The following PNKD variants were observed in gnomAD, a reference collection of about 807,000 sequenced individuals.
The protein encoded by PNKD is PNKD metallo-beta-lactamase domain containing, also known as probable thioesterase PNKD.
Under a neutral mutation model 45.3 loss-of-function variants are expected in PNKD, and 36 were observed. The ratio of observed to expected loss-of-function variants is 0.80; its 90% CI spans 0.61 to 1.05. PNKD has a LOEUF of 1.05. Among genes scored for constraint, PNKD ranks in the 50% least tolerant of loss-of-function variants. The pLI is 0.00. For synonymous variants in PNKD, 197 were observed against 210.1 expected (o/e 0.94, Z 0.54); for missense variants, 511 against 506.6 (o/e 1.01, Z -0.08).
At chr2:218,292,672 C>G (rs1693020401) in intron 2 of PNKD, 1 of 152,146 alleles carries the variant, frequency 6.6e-6, no homozygotes. Flanking sequence ...ACTAATAACA[C>G]AGGGGTATTT....
Position 218,344,569 on chromosome 2 carries a change from C to T in PNKD, c.983C>T (p.Thr328Met), listed in dbSNP as rs780464180. 250 of 1,587,614 alleles carry T rather than the reference C, an allele frequency of 1.6e-4. No individual in the cohort carries two copies. Among genetic ancestry groups the T allele is most frequent in the Non-Finnish European group, 2.0e-4 (231 of 1,166,548 alleles). Residue 328 changes from threonine (T) to methionine (M), a missense_variant and splice_region_variant, in exon 9 of 10, where the codon ACG (threonine) becomes ATG (methionine). Transcript: ENST00000273077. Reference protein sequence around the residue: ...VQRQRLERKGTCPSTLGEERS... With the variant: ...VQRQRLERKGMCPSTLGEERS... ...CGGCAGCGGCTGGAGCGCAAGGGCA[C>T]GGTGAGGGACTCGGGGTCCAGGAGG... is the stretch of plus-strand genomic sequence containing the variant.
chr2:218,323,066 C>A, intron 2 of PNKD: 1 of 830,378 alleles, frequency 1.2e-6, no homozygotes, highest in Non-Finnish European at 1.6e-6. Flanking sequence ...GCCAGGCCGC[C>A]CCCCAAGCCG....
At chr2:218,316,128 G>A (rs1031244210) in intron 2 of PNKD, among the ~76,000 whole-genome samples, 8 of 152,162 alleles carry the variant, frequency 5.3e-5, no homozygotes, top group African/African-American at 1.9e-4. Context: ...TTTACAGTGA[G>A]AGATGAATAA....
intron 2 of PNKD, among the ~76,000 whole-genome samples, chr2:218,294,570 C>T (rs1693097817): frequency 6.6e-6 from 1 of 152,206 alleles, no homozygotes; most frequent in Non-Finnish European, 1.5e-5. Context: ...CTTGACCTCC[C>T]ATGTACAAGC....
intron 1 of PNKD, chr2:218,271,031 A>G (rs1690808379): frequency 1.5e-5 from 7 of 466,060 alleles, no homozygotes; most frequent in Admixed American, 7.1e-5. Flanking sequence ...GGTCCCTTCC[A>G]GTGCTAACAT....
At chr2:218,294,292 A>T (rs975069544) in intron 2 of PNKD, among the ~76,000 whole-genome samples, 1 of 152,184 alleles carries the variant, frequency 6.6e-6, no homozygotes, top group African/African-American at 2.4e-5. Context: ...GTCTTAGTCC[A>T]TCTGGGCTGC....
Position 218,345,120 on chromosome 2 carries a change from GAGGGGA to G in PNKD, c.*140_*145del. 1.5e-6 allele frequency: 1 copy of G among 683,160 alleles called. No homozygotes were observed. Among genetic ancestry groups the G allele is most frequent in the Non-Finnish European group, 2.5e-6 (1 of 404,014 alleles). 42.3% of individuals were successfully genotyped at this position (683,160 alleles called of 1,614,324 possible). A position where few individuals can be genotyped will look rare whatever the true frequency, so the allele number is the denominator to read the frequency against. On this transcript the variant is annotated 3_prime_UTR_variant, in exon 10 of 10. Transcript: ENST00000273077. ...CATCATCCCCCCACACTGCTCAGGG[GAGGGGA>G]GGGATCAGGCGATGAGACTGTGAGG...
chr2:218,341,655 CCCTT>C, intron 6 of PNKD, 29 bp downstream of exon 6: 2 of 1,452,558 alleles, frequency 1.4e-6, no homozygotes, highest in East Asian at 2.5e-5. Context: ...CAAGGGATGG[CCCTT>C]CCATGGGCCC....
At chr2:218,272,357 T>C (rs759742984) in intron 2 of PNKD, among the ~76,000 whole-genome samples, 2 of 152,222 alleles carry the variant, frequency 1.3e-5, no homozygotes, top group Non-Finnish European at 2.9e-5. Flanking sequence ...TGTTTGGACT[T>C]GGCCAGGAAG....
chr2:218,335,156 A>AAAATAAAT (rs201225515), intron 2 of PNKD, among the ~76,000 whole-genome samples: 20 of 151,104 alleles, frequency 1.3e-4, no homozygotes, highest in Admixed American at 2.6e-4. Context: ...ATCTCTTTAA[A>AAAATAAAT]AAATAAATAA....
rs1694813174 is a variant in PNKD at position 218,345,764 on chromosome 2, C to T, written c.*783C>T. 1 of 152,558 alleles carries T rather than the reference C, an allele frequency of 6.6e-6. No individual in the cohort carries two copies. Among genetic ancestry groups the T allele is most frequent in the Non-Finnish European group, 1.5e-5 (1 of 68,182 alleles). 9.5% of individuals were successfully genotyped at this position (152,558 alleles called of 1,614,324 possible). A position where few individuals can be genotyped will look rare whatever the true frequency, so the allele number is the denominator to read the frequency against. On this transcript the variant is annotated 3_prime_UTR_variant, in exon 10 of 10. Transcript: ENST00000273077. ...ATCTGGCCTGGTTGTACCCACTGGCCTCTGCCTCTGCCCTGGGCCAAAAGG... is the reference window on the plus strand; with the variant it reads ...ATCTGGCCTGGTTGTACCCACTGGCTTCTGCCTCTGCCCTGGGCCAAAAGG...
In PNKD at chr2:218,321,926, G is replaced by T. The variant is rs538547867; in HGVS notation, c.237-17857G>T. ...AGCGTGAGCCACCGCTCCCGGCCGA[G>T]CTTGACTCTTTTTTTTTTTTTTTTT... On this transcript the variant is annotated intron_variant, in intron 2 of 9. Coordinates refer to ENST00000273077, the MANE Select transcript of PNKD (RefSeq NM_015488.5). 7.3e-3 allele frequency among the ~76,000 whole-genome samples: 898 copies of T among 123,660 alleles called. 9 individuals are homozygous for T. Among genetic ancestry groups the T allele is most frequent in the African/African-American group, 0.025 (841 of 33,598 alleles). The allele number at this position is 123,660 out of a possible 152,430, so 81.1% of individuals were successfully genotyped here.
intron 2 of PNKD, among the ~76,000 whole-genome samples, chr2:218,295,344 G>A (rs1693117177): frequency 6.6e-6 from 1 of 152,158 alleles, no homozygotes; most frequent in Non-Finnish European, 1.5e-5. Context: ...CAGTCTAAGG[G>A]AGCCAGTAAA....
At chr2:218,297,338 C>G (rs1693162781) in intron 2 of PNKD, among the ~76,000 whole-genome samples, 1 of 152,178 alleles carries the variant, frequency 6.6e-6, no homozygotes, top group African/African-American at 2.4e-5. Context: ...AAGTTTTGTT[C>G]CAGCTTTGGC....
intron 2 of PNKD, among the ~76,000 whole-genome samples, chr2:218,273,523 C>CA (rs1436932055): frequency 6.8e-6 from 1 of 146,676 alleles, no homozygotes; most frequent in East Asian, 2.0e-4. Context: ...TCTTGTTGCC[C>CA]AGGCTGGAGT....
chr2:218,280,802 T>A (rs1691837605), intron 2 of PNKD: 1 of 149,228 alleles, frequency 6.7e-6, no homozygotes, highest in African/African-American at 2.6e-5. Flanking sequence ...TTCACCTCAT[T>A]TCCTTTTTTT....
At position 218,323,015 on chromosome 2, in the gene PNKD, G is replaced by A. The variant is rs190918685; in HGVS notation, c.237-16768G>A. On this transcript the variant is annotated intron_variant, in intron 2 of 9. Transcript: ENST00000273077. ...TGGACCCCGATCAGCGCAGGCTCGC[G>A]GCCCGCTGTGGCCCCGCCTCCTGGC... Among the ~76,000 whole-genome samples, 677 of 143,302 alleles carry A rather than the reference G, an allele frequency of 4.7e-3. 10 individuals carry two copies. The highest frequency in any genetic ancestry group is 0.017 in the African/African-American group (644 of 38,416). 94.0% of individuals were successfully genotyped at this position (143,302 alleles called of 152,430 possible). A position where few individuals can be genotyped will look rare whatever the true frequency, so the allele number is the denominator to read the frequency against.
Position 218,270,600 on chromosome 2 carries a change from G to A in PNKD, c.65G>A (p.Arg22Gln), listed in dbSNP as rs878855015. 21 of 1,028,576 alleles carry A rather than the reference G, an allele frequency of 2.0e-5. No homozygotes were observed. Among genetic ancestry groups the A allele is most frequent in the African/African-American group, 3.3e-5 (2 of 60,434 alleles). The allele number at this position is 1,028,576 out of a possible 1,614,324, so 63.7% of individuals were successfully genotyped here. ...GRGARNARVL[R>Q]GILAGATANK... is the part of the protein sequence containing the mutation. Reference sequence around the variant, plus strand: ...GGGGCGAGAAATGCCCGCGTCCTCCGGGGTAAGGAGAGGGACCCCGGGGAG... The same window carrying A: ...GGGGCGAGAAATGCCCGCGTCCTCCAGGGTAAGGAGAGGGACCCCGGGGAG... Residue 22 changes from arginine (R) to glutamine (Q), a missense_variant and splice_region_variant, in exon 1 of 10, where the codon CGG becomes CAG. By Grantham distance (43) the Arg-to-Gln change is conservative. Transcript: ENST00000273077.
chr2:218,318,914 T>C (rs1434681313), intron 2 of PNKD, among the ~76,000 whole-genome samples: 1 of 151,650 alleles, frequency 6.6e-6, no homozygotes, highest in African/African-American at 2.4e-5. Flanking sequence ...ATACTTTACA[T>C]ATAGTAAAGT....
Sources: gnomAD v4.1 joint callset for allele counts (sites outside exome capture counted in the v4.1 genomes callset) on GRCh38, gnomAD v4.1.1 for gene constraint, MANE v1.5 for transcripts, NCBI Gene and HGNC (gene_info 2026-07-23, HGNC 2026-07-21) for gene names.